Variants in UBE2W observed in about 807,000 individuals in gnomAD.
The protein encoded by UBE2W is ubiquitin-conjugating enzyme E2 W.
A neutral mutation model predicts 27.2 loss-of-function variants in UBE2W; 18 were observed. The ratio of observed to expected loss-of-function variants is 0.66; its 90% CI spans 0.46 to 0.98. The LOEUF (loss-of-function observed/expected upper bound fraction) is 0.98, where lower values mean the gene tolerates loss of function less well. UBE2W is among the 50% of genes least tolerant of loss of function. The probability of loss-of-function intolerance (pLI) is 0.00; values close to 1 mark genes in which losing one functional copy is unlikely to be tolerated. For synonymous variants in UBE2W, 53 were observed against 57.2 expected (o/e 0.93, Z 0.33); for missense variants, 90 against 180.2 (o/e 0.50, Z 2.87).
chr8:73,832,773 T>A (rs186515603), intron 1 of UBE2W, among the ~76,000 whole-genome samples: 1 of 152,328 alleles, frequency 6.6e-6, no homozygotes, highest in Non-Finnish European at 1.5e-5. Flanking sequence ...TTAAAATGTT[T>A]CAGATTTTGG....
At chr8:73,803,600 C>T (rs553725756) in intron 5 of UBE2W, among the ~76,000 whole-genome samples, 13 of 152,260 alleles carry the variant, frequency 8.5e-5, no homozygotes, top group African/African-American at 3.1e-4. Flanking sequence ...GTAATGAACT[C>T]CATCGAACCT....
At chr8:73,865,180 CAAAAAAAAAAAAAAAA>C (rs11354153) in intron 1 of UBE2W, among the ~76,000 whole-genome samples, 1 of 32,856 alleles carries the variant, frequency 3.0e-5, no homozygotes, top group Non-Finnish European at 6.4e-5. Context: ...GTGCAAACGT[CAAAAAAAAAAAAAAAA>C]AAAAAAAAAA....
chr8:73,809,336 T>G (rs1294152843), intron 4 of UBE2W, among the ~76,000 whole-genome samples: 1 of 152,168 alleles, frequency 6.6e-6, no homozygotes. Flanking sequence ...TCAGTTCAAT[T>G]TGGAGAAAAG....
At chr8:73,804,967 C>G (rs1395222577) in intron 5 of UBE2W, among the ~76,000 whole-genome samples, 1 of 151,820 alleles carries the variant, frequency 6.6e-6, no homozygotes, top group Non-Finnish European at 1.5e-5. Context: ...AAGTGATCTG[C>G]CCACCTCTGC....
rs1807986641 is a variant in UBE2W, at chr8:73,787,045, T to C, written c.*7057A>G. ...CAGACATGAGAAGATATTTCCTACC[T>C]TAGTTGATAAACTTTCCTTATTATT... On this transcript the variant is annotated 3_prime_UTR_variant, in exon 6 of 6. Transcript: ENST00000602593. 1 of 985,330 alleles carries C rather than the reference T, an allele frequency of 1.0e-6. No homozygotes were observed. Among genetic ancestry groups the C allele is most frequent in the African/African-American group, 1.7e-5 (1 of 57,252 alleles). The allele number at this position is 985,330 out of a possible 1,614,324, so 61.0% of individuals were successfully genotyped here.
At position 73,793,907 on chromosome 8, in the gene UBE2W, CA is replaced by C. The variant is rs1808304486; in HGVS notation, c.*194del. The C allele has an allele frequency of 7.1e-7, 1 of 1,406,052 alleles. No individual in the cohort carries two copies. Among genetic ancestry groups the C allele is most frequent in the Admixed American group, 3.2e-5 (1 of 31,438 alleles). The allele number at this position is 1,406,052 out of a possible 1,614,324, so 87.1% of individuals were successfully genotyped here. ...ATTAATACTGTATGACTAATAAAAG[CA>C]TGTCAGTTGCCTGGACTGAACCAGC... On this transcript the variant is annotated 3_prime_UTR_variant, in exon 6 of 6. Transcript: ENST00000602593.
At chr8:73,804,456 A>G (rs778858654) in intron 5 of UBE2W, among the ~76,000 whole-genome samples, 2 of 152,302 alleles carry the variant, frequency 1.3e-5, no homozygotes, top group Non-Finnish European at 2.9e-5. Flanking sequence ...GTTTAGAAAT[A>G]CTAGCAGCTC....
At chr8:73,833,237 T>C (rs2130913422) in intron 1 of UBE2W, among the ~76,000 whole-genome samples, 1 of 141,908 alleles carries the variant, frequency 7.0e-6, no homozygotes, top group East Asian at 2.0e-4. Context: ...CCTTAAAGAA[T>C]GTCATTTCAC....
In UBE2W at chr8:73,786,887, AAT is replaced by A. The variant is rs1179486030; in HGVS notation, c.*7213_*7214del. 14 of 985,248 alleles carry A rather than the reference AAT, an allele frequency of 1.4e-5. No homozygotes were observed. The highest frequency in any genetic ancestry group is 1.7e-5 in the African/African-American group (1 of 57,248). 61.0% of individuals were successfully genotyped at this position (985,248 alleles called of 1,614,324 possible). A position where few individuals can be genotyped will look rare whatever the true frequency, so the allele number is the denominator to read the frequency against. On this transcript the variant is annotated 3_prime_UTR_variant, in exon 6 of 6. Coordinates refer to ENST00000602593, the MANE Select transcript of UBE2W (RefSeq NM_018299.6). ...CATTAAATTATAACAGGATAAAAGAAATATGTTTTCATTGAGGTATGGAAACA... is the reference window on the plus strand; with the variant it reads ...CATTAAATTATAACAGGATAAAAGAAATGTTTTCATTGAGGTATGGAAACA...
chr8:73,848,437 A>C (rs2130943331), intron 1 of UBE2W, among the ~76,000 whole-genome samples: 1 of 152,354 alleles, frequency 6.6e-6, no homozygotes, highest in African/African-American at 2.4e-5. Context: ...CTGTAATCCC[A>C]GAACTCTGGG....
At chr8:73,861,744 G>A (rs1246722778) in intron 1 of UBE2W, among the ~76,000 whole-genome samples, 1 of 152,160 alleles carries the variant, frequency 6.6e-6, no homozygotes, top group African/African-American at 2.4e-5. Flanking sequence ...CTGAGCCTAT[G>A]GAACCGCCCC....
At position 73,793,362 on chromosome 8, in the gene UBE2W, C is replaced by G; in HGVS notation, c.*740G>C. 1.0e-6 allele frequency: 1 copy of G among 985,782 alleles called. No individual in the cohort carries two copies. Among genetic ancestry groups the G allele is most frequent in the East Asian group, 1.1e-4 (1 of 8,820 alleles). The allele number at this position is 985,782 out of a possible 1,614,324, so 61.1% of individuals were successfully genotyped here. A position where few individuals can be genotyped will look rare whatever the true frequency, so the allele number is the denominator to read the frequency against. On this transcript the variant is annotated 3_prime_UTR_variant, in exon 6 of 6. Coordinates refer to ENST00000602593, the MANE Select transcript of UBE2W (RefSeq NM_018299.6). ...CCATTCATACCCTATATTACTCATA[C>G]CTTTACTTCAGAGATTGAGGAACTA...
chr8:73,866,184 T>C (rs1228028450), intron 1 of UBE2W, among the ~76,000 whole-genome samples: 33 of 148,546 alleles, frequency 2.2e-4, no homozygotes, highest in African/African-American at 7.2e-4. Flanking sequence ...AGCAGGAGAA[T>C]TGCTTGAACC....
At chr8:73,798,844 T>C (rs935024529) in intron 5 of UBE2W, among the ~76,000 whole-genome samples, 4 of 152,222 alleles carry the variant, frequency 2.6e-5, no homozygotes, top group African/African-American at 9.6e-5. Flanking sequence ...AGGAAGATTC[T>C]AGCACTGAAT....
chr8:73,832,970 G>A (rs1458601245), intron 1 of UBE2W, among the ~76,000 whole-genome samples: 3 of 152,054 alleles, frequency 2.0e-5, no homozygotes, highest in African/African-American at 7.2e-5. Flanking sequence ...CGGGAGGATC[G>A]CAATGTCAAG....
chr8:73,866,070 G>T (rs1377788175), intron 1 of UBE2W, among the ~76,000 whole-genome samples: 2 of 151,784 alleles, frequency 1.3e-5, no homozygotes, highest in African/African-American at 4.8e-5. Flanking sequence ...GAGGTCAAGA[G>T]ATCAAGACCA....
chr8:73,828,869 T>C (rs1364848475), intron 2 of UBE2W, among the ~76,000 whole-genome samples: 1 of 152,188 alleles, frequency 6.6e-6, no homozygotes, highest in East Asian at 1.9e-4. Context: ...TTCTTCATTC[T>C]ATTTTTTGTA....
chr8:73,785,475 G>C (rs533629394), downstream of UBE2W, among the ~76,000 whole-genome samples: 23 of 152,232 alleles, frequency 1.5e-4, no homozygotes, highest in East Asian at 2.9e-3. Flanking sequence ...AATTCAGGGG[G>C]TACACGTGCA....
Position 73,804,378 on chromosome 8 carries a change from A to G in UBE2W, c.442+1273T>C, listed in dbSNP as rs1372975377. 2.6e-5 allele frequency among the ~76,000 whole-genome samples: 4 copies of G among 151,928 alleles called. No individual in the cohort carries two copies. In the East Asian group the frequency reaches 7.7e-4, roughly 29 times the overall value. On this transcript the variant is annotated intron_variant, in intron 5 of 5. Coordinates refer to ENST00000602593, the MANE Select transcript of UBE2W (RefSeq NM_018299.6). ...TGGTTTTTGTTTACTTGCTTCAAAA[A>G]CTACATTGAAGAATACAGACTTTTT...
Sources: gnomAD v4.1 joint callset for allele counts (sites outside exome capture counted in the v4.1 genomes callset) on GRCh38, gnomAD v4.1.1 for gene constraint, MANE v1.5 for transcripts, NCBI Gene and HGNC (gene_info 2026-07-23, HGNC 2026-07-21) for gene names.